The following DNAH12 variants were observed in gnomAD, a reference collection of about 807,000 sequenced individuals.
DNAH12 encodes dynein axonemal heavy chain 12, also known as axonemal beta dynein heavy chain 12.
DNAH12 carries 285 observed loss-of-function variants against 371.5 expected under a neutral mutation model. The ratio of observed to expected loss-of-function variants is 0.77; its 90% CI spans 0.70 to 0.85. DNAH12 has a LOEUF of 0.85. Ranked by LOEUF, DNAH12 falls within the 40% of genes least tolerant of loss-of-function variation. DNAH12 has a pLI of 0.00. For synonymous variants in DNAH12, 1,200 were observed against 1,213.0 expected (o/e 0.99, Z 0.22); for missense variants, 3,611 against 3,689.4 (o/e 0.98, Z 0.55).
chr3:57,415,308 T>C (rs1575570133), intron 38 of DNAH12, 118 bp downstream of exon 38: 1 of 1,347,948 alleles, frequency 7.4e-7, no homozygotes, highest in Non-Finnish European at 9.9e-7. Flanking sequence ...TCCCCAAACA[T>C]TTGAAAGTTT....
At chr3:57,540,647 A>G (rs1265427714) in intron 2 of DNAH12, among the ~76,000 whole-genome samples, 1 of 152,186 alleles carries the variant, frequency 6.6e-6, no homozygotes, top group Non-Finnish European at 1.5e-5. Flanking sequence ...AAAACAATCT[A>G]GGCCTGATGC....
intron 6 of DNAH12, 69 bp downstream of exon 6, chr3:57,509,071 T>C: frequency 7.6e-7 from 1 of 1,321,018 alleles, no homozygotes; most frequent in Non-Finnish European, 1.1e-6. Context: ...TACTTGAAGG[T>C]AAGATCAGTT....
At chr3:57,552,252 A>AG in the DNAH12 span, among the ~76,000 whole-genome samples, 2 of 150,754 alleles carry the variant, frequency 1.3e-5, no homozygotes, top group African/African-American at 4.9e-5. Context: ...CTCAAAAAAA[A>AG]AAAAAAGAGA....
At position 57,413,882 on chromosome 3, in the gene DNAH12, G is replaced by T; in HGVS notation, c.5884C>A (p.Arg1962Ser). The T allele has an allele frequency of 6.4e-7, 1 of 1,550,620 alleles. No homozygotes were observed. Residue 1962 changes from arginine to serine, a missense_variant, in exon 39 of 74, where the codon CGC becomes AGC. Physicochemically the swap from Arg to Ser is moderately radical, Grantham distance 110. Coordinates refer to ENST00000495027, the MANE Select transcript of DNAH12 (RefSeq NM_001366028.2). Reference sequence around the variant, plus strand: ...ATAGGTGGTCCAAAGACTCCTTTGCGTCTTTTATCCAATCTAGCCATGATA... The same window carrying T: ...ATAGGTGGTCCAAAGACTCCTTTGCTTCTTTTATCCAATCTAGCCATGATA... ...NIIMARLDKR[R>S]KGVFGPPMGK...
chr3:57,393,624 T>TAAA (rs2063672931), intron 44 of DNAH12, among the ~76,000 whole-genome samples: 1 of 11,850 alleles, frequency 8.4e-5, no homozygotes, highest in African/African-American at 5.7e-4. Context: ...AGACTCTGTC[T>TAAA]CAAAAAAAAA....
chr3:57,353,165 T>C (rs2062722445), intron 59 of DNAH12, among the ~76,000 whole-genome samples: 2 of 152,200 alleles, frequency 1.3e-5, no homozygotes, highest in Admixed American at 1.3e-4. Context: ...TGATACTCTT[T>C]ATACTCTCAT....
intron 17 of DNAH12, among the ~76,000 whole-genome samples, chr3:57,467,692 T>C (rs1169842808): frequency 6.6e-6 from 1 of 152,184 alleles, no homozygotes; most frequent in Non-Finnish European, 1.5e-5. Context: ...TCAGGAAGTA[T>C]GCAATCTGCC....
intron 13 of DNAH12, among the ~76,000 whole-genome samples, chr3:57,480,745 G>T (rs541413183): frequency 6.6e-6 from 1 of 152,262 alleles, no homozygotes; most frequent in East Asian, 1.9e-4. Flanking sequence ...TTCATCCCTA[G>T]GATGCAAGGC....
At chr3:57,393,495 A>G (rs1233237823) in intron 44 of DNAH12, among the ~76,000 whole-genome samples, 3 of 151,626 alleles carry the variant, frequency 2.0e-5, no homozygotes, top group Non-Finnish European at 4.4e-5. Context: ...GCCTGGTGGC[A>G]GGCGCCTGTG....
At chr3:57,400,266 G>A (rs2063829981) in intron 43 of DNAH12, among the ~76,000 whole-genome samples, 1 of 152,076 alleles carries the variant, frequency 6.6e-6, no homozygotes, top group Non-Finnish European at 1.5e-5. Flanking sequence ...CCAGCCTGGG[G>A]CAGAGCGAGA....
intron 60 of DNAH12, among the ~76,000 whole-genome samples, chr3:57,343,592 T>C (rs1400116183): frequency 6.6e-6 from 1 of 152,176 alleles, no homozygotes; most frequent in Non-Finnish European, 1.5e-5. Flanking sequence ...TATGGCCTTG[T>C]GGGATGAGAA....
rs1049451448 is a variant in DNAH12, at chr3:57,363,621, C to T, written c.9333G>A (p.Met3111Ile). The change falls in exon 58 of 74, where the codon ATG (methionine) becomes ATA (isoleucine). Residue 3111 changes from methionine (M) to isoleucine (I), a missense_variant. Met to Ile is a conservative substitution (Grantham distance 10). This residue lies in a region of DNAH12 where 2,266 missense variants were observed against 2,236.9 expected (regional missense o/e 1.01). Coordinates refer to ENST00000495027, the MANE Select transcript of DNAH12 (RefSeq NM_001366028.2). ...AIKVLDSAKM[M>I]SNEITKKQQI... ...GCTGTTTCTTTGTTATTTCATTGGA[C>T]ATCATTTTGGCAGAGTCTAAGACTT... 9 of 152,016 alleles carry T rather than the reference C, an allele frequency of 5.9e-5. No individual in the cohort carries two copies. In the East Asian group the frequency reaches 9.6e-4, roughly 16 times the overall value. 9.4% of individuals were successfully genotyped at this position (152,016 alleles called of 1,614,324 possible).
rs370335542 is a variant in DNAH12 at position 57,293,735 on chromosome 3, GTTT to G, written c.*43_*45del. The G allele has an allele frequency of 6.4e-5, 72 of 1,118,014 alleles. No individual in the cohort carries two copies. The highest frequency in any genetic ancestry group is 7.5e-5 in the Non-Finnish European group (61 of 814,990). 69.3% of individuals were successfully genotyped at this position (1,118,014 alleles called of 1,614,324 possible). A position where few individuals can be genotyped will look rare whatever the true frequency, so the allele number is the denominator to read the frequency against. Reference sequence around the variant, plus strand: ...AATGTATATATTTTAAGTAGGACAGGTTTTTTTTTTTTTAAACTTTTGGATGTT... The same window carrying G: ...AATGTATATATTTTAAGTAGGACAGGTTTTTTTTTTAAACTTTTGGATGTT... On this transcript the variant is annotated 3_prime_UTR_variant, in exon 74 of 74. Transcript: ENST00000495027.
chr3:57,529,715 T>G (rs1321718490), intron 2 of DNAH12, among the ~76,000 whole-genome samples: 1 of 152,222 alleles, frequency 6.6e-6, no homozygotes, highest in East Asian at 1.9e-4. Flanking sequence ...TGTATTGTTT[T>G]CTTCATTCCA....
chr3:57,543,749 C>A (rs1457159240), intron 1 of DNAH12, among the ~76,000 whole-genome samples: 1 of 150,936 alleles, frequency 6.6e-6, no homozygotes. Context: ...TGTAAATGCT[C>A]AAAAATTTTA....
intron 4 of DNAH12, chr3:57,512,613 G>C (rs918665203): frequency 6.6e-6 from 1 of 152,178 alleles, no homozygotes; most frequent in Non-Finnish European, 1.5e-5. Context: ...CGCTGTTGGT[G>C]GGAATGTAAA....
Position 57,509,187 on chromosome 3 carries a change from T to C in DNAH12, c.495A>G (p.Pro165=). 6.2e-7 allele frequency: 1 copy of C among 1,613,848 alleles called. No individual in the cohort carries two copies. The highest frequency in any genetic ancestry group is 8.5e-7 in the Non-Finnish European group (1 of 1,179,950). ...CTCCTTCATCTTCAAGCGATTTAAC[T>C]GGTGGTTTCACAAGAACGCTCTGCA... is the stretch of plus-strand genomic sequence containing the variant. ...YLVQSVLVKP[P]VKSLEDEGGP... is the part of the protein sequence containing the mutation. The change falls in exon 6 of 74, where the codon CCA becomes CCG. Residue 165 remains proline, a synonymous_variant. Coordinates refer to ENST00000495027, the MANE Select transcript of DNAH12 (RefSeq NM_001366028.2).
intron 60 of DNAH12, among the ~76,000 whole-genome samples, chr3:57,350,649 C>A (rs2062651195): frequency 6.6e-6 from 1 of 152,036 alleles, no homozygotes; most frequent in Admixed American, 6.6e-5. Flanking sequence ...AACCATAAAT[C>A]AGATTATATT....
rs1276658526 is a variant in DNAH12 at position 57,296,454 on chromosome 3, A to G, written c.11533-19T>C. 2 of 1,518,824 alleles carry G rather than the reference A, an allele frequency of 1.3e-6. No individual in the cohort carries two copies. Among genetic ancestry groups the G allele is most frequent in the African/African-American group, 1.4e-5 (1 of 72,252 alleles). The allele number at this position is 1,518,824 out of a possible 1,614,324, so 94.1% of individuals were successfully genotyped here. A position where few individuals can be genotyped will look rare whatever the true frequency, so the allele number is the denominator to read the frequency against. ...GGATAACCTGAAGGGATAGGCACAC[A>G]CTAGCAGTGATCCTCTCCAGACAAC... On this transcript the variant is annotated intron_variant, in intron 71 of 73. Transcript: ENST00000495027.
Sources: allele counts gnomAD v4.1 joint callset (sites outside exome capture counted in the v4.1 genomes callset), GRCh38; gene constraint gnomAD v4.1.1; regional missense constraint gnomAD v4.1.1; transcripts MANE v1.5; gene names NCBI Gene and HGNC (gene_info 2026-07-23, HGNC 2026-07-21).